Variants in PPIA observed in about 807,000 individuals in gnomAD.
PPIA encodes the protein peptidyl-prolyl cis-trans isomerase A.
Under a neutral mutation model 15.3 loss-of-function variants are expected in PPIA, and 2 were observed. That is an observed-to-expected ratio of 0.13 (90% confidence interval 0.05 to 0.41). PPIA has a LOEUF of 0.41. Ranked by LOEUF, PPIA falls within the 10% of genes least tolerant of loss-of-function variation. The pLI, the probability that PPIA is intolerant of heterozygous loss-of-function variation, is 0.99. For synonymous variants in PPIA, 67 were observed against 73.1 expected (o/e 0.92, Z 0.43); for missense variants, 103 against 210.3 (o/e 0.49, Z 3.16).
Position 44,799,262 on chromosome 7 carries a change from G to C in PPIA, c.85G>C (p.Val29Leu). 6.2e-7 allele frequency: 1 copy of C among 1,613,792 alleles called. No individual in the cohort carries two copies. The change falls in exon 2 of 5, where the codon GTC becomes CTC. Residue 29 changes from valine (V) to leucine (L), a missense_variant. Coordinates refer to ENST00000468812, the MANE Select transcript of PPIA (RefSeq NM_021130.5). Reference protein sequence around the residue: ...RVSFELFADKVPKTAENFRAL... With the variant: ...RVSFELFADKLPKTAENFRAL... ...TCTCTTACAGCTGTTTGCAGACAAG[G>C]TCCCAAAGACAGCAGGTTGGTCCAT... is the stretch of plus-strand genomic sequence containing the variant.
Position 44,796,770 on chromosome 7 carries a change from C to T in PPIA, c.46C>T (p.Pro16Ser), listed in dbSNP as rs1792379254. The T allele has an allele frequency of 6.2e-7, 1 of 1,609,570 alleles. No homozygotes were observed. Among genetic ancestry groups the T allele is most frequent in the Middle Eastern group, 1.9e-4 (1 of 5,316 alleles). ...CTTCGACATTGCCGTCGACGGCGAG[C>T]CCTTGGGCCGCGTCTCCTTTGAGGT... is the stretch of plus-strand genomic sequence containing the variant. ...VFFDIAVDGE[P>S]LGRVSFELFA... Residue 16 changes from proline (P) to serine (S), a missense_variant, in exon 1 of 5, where the codon CCC (proline) becomes TCC (serine). Coordinates refer to ENST00000468812, the MANE Select transcript of PPIA (RefSeq NM_021130.5).
At chr7:44,800,054 C>T (rs984262551) in intron 4 of PPIA, 180 bp downstream of exon 4, 29 of 677,054 alleles carry the variant, frequency 4.3e-5, no homozygotes, top group Non-Finnish European at 7.0e-5. Flanking sequence ...ATGTCAGATA[C>T]TATGATAGAA....
chr7:44,799,357 G>C (rs567405322), intron 2 of PPIA, 35 bp from the exon 3 acceptor site: 2 of 1,597,856 alleles, frequency 1.3e-6, no homozygotes, highest in African/African-American at 2.7e-5. Flanking sequence ...ATATTTTTAT[G>C]TATGTATATA....
chr7:44,800,337 C>T (rs1481290055), intron 4 of PPIA: 1 of 165,770 alleles, frequency 6.0e-6, no homozygotes, highest in Admixed American at 5.7e-5. Flanking sequence ...GAACCACCTG[C>T]CTTGGCCCCC....
chr7:44,797,872 T>C (rs2116982031), intron 1 of PPIA: 1 of 152,322 alleles, frequency 6.6e-6, no homozygotes, highest in Admixed American at 6.5e-5. Flanking sequence ...GAAAATAGAT[T>C]GATCCTCATG....
chr7:44,801,662 G>T lies in PPIA; in HGVS notation c.*240G>T. On this transcript the variant is annotated 3_prime_UTR_variant, in exon 5 of 5. Transcript: ENST00000468812. ...GTTTGAGTTAAGAGTGTTGATGTAG[G>T]CTTTATTTTAAGCAGTAATGGGTTA... 1 of 406,418 alleles carries T rather than the reference G, an allele frequency of 2.5e-6. No homozygotes were observed. The highest frequency in any genetic ancestry group is 5.1e-5 in the East Asian group (1 of 19,432). 25.2% of individuals were successfully genotyped at this position (406,418 alleles called of 1,614,324 possible).
Position 44,799,888 on chromosome 7 carries a change from A to C in PPIA, c.362+14A>C. ...CAAGACTGAGTGGTAAGGGTACAAC[A>C]TGGCACACTAACCACCTGACTAAAT... On this transcript the variant is annotated intron_variant, in intron 4 of 4. Coordinates refer to ENST00000468812, the MANE Select transcript of PPIA (RefSeq NM_021130.5). 6.2e-7 allele frequency: 1 copy of C among 1,606,940 alleles called. No individual in the cohort carries two copies. Among genetic ancestry groups the C allele is most frequent in the South Asian group, 1.1e-5 (1 of 91,060 alleles).
rs1792612745 is a variant in PPIA at position 44,803,071 on chromosome 7, C to G, written c.*1649C>G. 1 of 152,218 alleles carries G rather than the reference C, an allele frequency of 6.6e-6. No individual in the cohort carries two copies. The highest frequency in any genetic ancestry group is 1.5e-5 in the Non-Finnish European group (1 of 68,048). 9.4% of individuals were successfully genotyped at this position (152,218 alleles called of 1,614,324 possible). A position where few individuals can be genotyped will look rare whatever the true frequency, so the allele number is the denominator to read the frequency against. ...TCAATGTCTTAATGTACTTGTGGCT[C>G]AGACCTGAGTGCAAGGTGGAAATAA... On this transcript the variant is annotated 3_prime_UTR_variant, in exon 5 of 5. Coordinates refer to ENST00000468812, the MANE Select transcript of PPIA (RefSeq NM_021130.5).
Position 44,801,226 on chromosome 7 carries a change from T to C in PPIA, c.363-61T>C. On this transcript the variant is annotated intron_variant, in intron 4 of 4. Transcript: ENST00000468812. The stretch of plus-strand genomic sequence containing the variant: ...AAGCTACCTTTCTCGTCTTGGTTCA[T>C]GACACATGGAGGCTGCTTGTTTGTG... The C allele has an allele frequency of 1.9e-6, 3 of 1,573,622 alleles. No individual in the cohort carries two copies. In the East Asian group the frequency reaches 6.8e-5, roughly 35 times the overall value.
At chr7:44,800,850 C>A (rs1160446897) in intron 4 of PPIA, among the ~76,000 whole-genome samples, 1 of 151,988 alleles carries the variant, frequency 6.6e-6, no homozygotes, top group Non-Finnish European at 1.5e-5. Context: ...TGGAGTTTCG[C>A]TCTGTCGCCC....
intron 3 of PPIA, 59 bp from the exon 4 acceptor site, chr7:44,799,643 G>T: frequency 6.2e-7 from 1 of 1,607,606 alleles, no homozygotes; most frequent in East Asian, 2.2e-5. Flanking sequence ...GAACCTTGCA[G>T]ATTTGGCACA....
At position 44,796,710 on chromosome 7, in the gene PPIA, C is replaced by G. The variant is rs371436086; in HGVS notation, c.-15C>G. On this transcript the variant is annotated 5_prime_UTR_variant, in exon 1 of 5. Transcript: ENST00000468812. ...TGCAGACGCCACCGCCGAGGAAAAC[C>G]GTGTACTATTAGCCATGGTCAACCC... is the stretch of plus-strand genomic sequence containing the variant. 2.0e-5 allele frequency: 32 copies of G among 1,609,944 alleles called. No homozygotes were observed. Among genetic ancestry groups the G allele is most frequent in the Non-Finnish European group, 2.6e-5 (31 of 1,178,370 alleles).
rs563316951 is a variant in PPIA at position 44,802,787 on chromosome 7, T to C, written c.*1365T>C. The C allele has an allele frequency of 6.6e-6, 1 of 152,274 alleles. No homozygotes were observed. Among genetic ancestry groups the C allele is most frequent in the Non-Finnish European group, 1.5e-5 (1 of 68,028 alleles). 9.4% of individuals were successfully genotyped at this position (152,274 alleles called of 1,614,324 possible). ...GGACTTGGTTTCTCAGGAAATTATA[T>C]GTACAGTGCTTGCTGGCAGTTAGAT... On this transcript the variant is annotated 3_prime_UTR_variant, in exon 5 of 5. Coordinates refer to ENST00000468812, the MANE Select transcript of PPIA (RefSeq NM_021130.5).
At position 44,802,726 on chromosome 7, in the gene PPIA, C is replaced by T. The variant is rs752517191; in HGVS notation, c.*1304C>T. ...TTTTGCAAACCTGACCAATTTAAGC[C>T]ATAAGATCTGGTCAAAGGGATACCC... On this transcript the variant is annotated 3_prime_UTR_variant, in exon 5 of 5. Transcript: ENST00000468812. The T allele has an allele frequency of 6.6e-6, 1 of 152,152 alleles. No homozygotes were observed. Among genetic ancestry groups the T allele is most frequent in the African/African-American group, 2.4e-5 (1 of 41,424 alleles). The allele number at this position is 152,152 out of a possible 1,614,324, so 9.4% of individuals were successfully genotyped here. A position where few individuals can be genotyped will look rare whatever the true frequency, so the allele number is the denominator to read the frequency against.
chr7:44,799,545 A>G (rs1792483089), intron 3 of PPIA, 65 bp downstream of exon 3: 1 of 1,581,298 alleles, frequency 6.3e-7, no homozygotes, highest in Non-Finnish European at 8.7e-7. Flanking sequence ...GAGCCAGAAT[A>G]TTTCAGGATA....
chr7:44,797,147 G>A (rs1484934350), intron 1 of PPIA, among the ~76,000 whole-genome samples: 1 of 152,190 alleles, frequency 6.6e-6, no homozygotes, highest in Non-Finnish European at 1.5e-5. Flanking sequence ...CCCTAGCTTG[G>A]CCTGGGCGCC....
chr7:44,799,926 T>G, intron 4 of PPIA, 52 bp downstream of exon 4: 5 of 1,569,076 alleles, frequency 3.2e-6, no homozygotes, highest in Non-Finnish European at 4.3e-6. Context: ...AAAGTTGCCC[T>G]GGGGGGAACG....
At chr7:44,799,557 A>T in intron 3 of PPIA, 77 bp downstream of exon 3, 8 of 1,567,504 alleles carry the variant, frequency 5.1e-6, no homozygotes, top group Non-Finnish European at 7.0e-6. Flanking sequence ...TTCAGGATAC[A>T]CATATCTGAA....
intron 1 of PPIA, chr7:44,798,599 C>T (rs1245375286): frequency 2.9e-6 from 1 of 347,120 alleles, no homozygotes; most frequent in African/African-American, 2.2e-5. Context: ...TTATAAAATG[C>T]TACTTTTAAA....
Sources: allele counts gnomAD v4.1 joint callset (sites outside exome capture counted in the v4.1 genomes callset), GRCh38; gene constraint gnomAD v4.1.1; transcripts MANE v1.5; gene names NCBI Gene and HGNC (gene_info 2026-07-23, HGNC 2026-07-21).